Variants in LCORL observed in about 807,000 individuals in gnomAD.
LCORL encodes ligand dependent nuclear receptor corepressor like.
LCORL carries 41 observed loss-of-function variants against 141.8 expected under a neutral mutation model. The observed-to-expected ratio is 0.29, with a 90% CI of 0.23 to 0.38. The LOEUF is 0.38. Ranked by LOEUF, LCORL falls within the 10% of genes least tolerant of loss-of-function variation. The pLI is 1.00. For missense variants in LCORL, 1,759 were observed against 2,035.0 expected, an observed-to-expected ratio of 0.86 and a Z score of 2.61; for synonymous variants, 618 against 694.1, an observed-to-expected ratio of 0.89 and a Z score of 1.72.
exon 8 of LCORL, chr4:17,843,123 C>T (rs907762656): frequency 9.1e-6 from 5 of 550,766 alleles, no homozygotes; most frequent in African/African-American, 3.8e-5. Context: ...ATTCACTTTG[C>T]TAGATAGCCA....
chr4:17,907,702 G>A (rs933305329), intron 5 of LCORL, among the ~76,000 whole-genome samples: 3 of 151,494 alleles, frequency 2.0e-5, no homozygotes, highest in African/African-American at 4.9e-5. Context: ...AATAACACAG[G>A]GAACCCCCCC....
In LCORL at chr4:18,021,579, C is replaced by T. The variant is rs1725593277; in HGVS notation, c.154+19G>A. The T allele has an allele frequency of 6.6e-7, 1 of 1,513,168 alleles. No homozygotes were observed. Among genetic ancestry groups the T allele is most frequent in the Non-Finnish European group, 8.8e-7 (1 of 1,131,786 alleles). 93.7% of individuals were successfully genotyped at this position (1,513,168 alleles called of 1,614,324 possible). A position where few individuals can be genotyped will look rare whatever the true frequency, so the allele number is the denominator to read the frequency against. ...GGTCGCCGCGCGGAGCCCGGGGCCC[C>T]GGCCCGCGTCTCTCTTACCTACACA... is the stretch of plus-strand genomic sequence containing the variant. On this transcript the variant is annotated intron_variant, in intron 1 of 7. Transcript: ENST00000635767. The surrounding 1 kb of genome is among the most constrained non-coding windows in gnomAD (Gnocchi z 5.5).
At position 17,843,291 on chromosome 4, in the gene LCORL, C is replaced by A. The variant is rs760712257; in HGVS notation, c.*2597G>T. ...TGTATCTAAATTCGTGTATTTTCAACATCTATTTAGTGATCATGAAGTTCC... is the reference window on the plus strand; with the variant it reads ...TGTATCTAAATTCGTGTATTTTCAAAATCTATTTAGTGATCATGAAGTTCC... On this transcript the variant is annotated 3_prime_UTR_variant, in exon 8 of 8. Transcript: ENST00000635767. 4.4e-6 allele frequency: 7 copies of A among 1,603,156 alleles called. No individual in the cohort carries two copies. In the Admixed American group the frequency reaches 1.0e-4, roughly 24 times the overall value.
chr4:17,849,081 C>T (rs1160599866), intron 7 of LCORL, among the ~76,000 whole-genome samples: 2 of 152,254 alleles, frequency 1.3e-5, no homozygotes, highest in Admixed American at 1.3e-4. Context: ...CCTGCCTCTG[C>T]AGGCTCCACC....
chr4:17,970,097 C>T (rs1715649136), intron 2 of LCORL, among the ~76,000 whole-genome samples: 1 of 152,020 alleles, frequency 6.6e-6, no homozygotes, highest in Admixed American at 6.6e-5. Flanking sequence ...TGTATTTATA[C>T]AAAAGAGAGA....
At chr4:17,918,003 C>T (rs1299422821) in intron 4 of LCORL, among the ~76,000 whole-genome samples, 1 of 151,772 alleles carries the variant, frequency 6.6e-6, no homozygotes, top group Non-Finnish European at 1.5e-5. Context: ...TTGCACTATT[C>T]TCAGCCTTCC....
chr4:18,016,222 T>A (rs1724608160), intron 1 of LCORL, among the ~76,000 whole-genome samples: 1 of 152,124 alleles, frequency 6.6e-6, no homozygotes, highest in African/African-American at 2.4e-5. Flanking sequence ...GAAAGACACA[T>A]ATCAACATAT....
intron 6 of LCORL, chr4:17,882,067 T>C (rs1046508761): frequency 5.7e-5 from 56 of 984,046 alleles, no homozygotes; most frequent in Non-Finnish European, 6.6e-5. Context: ...AGAGACCAAA[T>C]AACTGCTTGG....
chr4:17,986,729 ATC>A (rs1719041885), intron 1 of LCORL, among the ~76,000 whole-genome samples: 2 of 150,704 alleles, frequency 1.3e-5, no homozygotes, highest in South Asian at 4.2e-4. Flanking sequence ...AATCTCAATG[ATC>A]TTTTTTTTTT....
chr4:17,881,744 T>C (rs1319383499), intron 6 of LCORL: 6 of 955,804 alleles, frequency 6.3e-6, no homozygotes, highest in Non-Finnish European at 7.5e-6. Context: ...ATATAAATAT[T>C]ATGTAATGCA....
At chr4:17,998,997 TATATATACACAC>T (rs1280520699) in intron 1 of LCORL, among the ~76,000 whole-genome samples, 120 of 64,802 alleles carry the variant, frequency 1.9e-3, no homozygotes, top group African/African-American at 4.6e-3. Context: ...TATATATATA[TATATATACACAC>T]ATATATATAT....
intron 1 of LCORL, among the ~76,000 whole-genome samples, chr4:17,978,423 C>T (rs1359791384): frequency 1.3e-5 from 2 of 151,834 alleles, no homozygotes. Flanking sequence ...AAAGCAAGAC[C>T]CCTTCTCTAC....
intron 1 of LCORL, among the ~76,000 whole-genome samples, chr4:18,009,000 CA>C (rs1723240358): frequency 6.6e-6 from 1 of 152,050 alleles, no homozygotes; most frequent in African/African-American, 2.4e-5. Context: ...AATTCTCTCA[CA>C]AAAACAACCA....
At chr4:17,842,307 A>C in exon 8 of LCORL, 1 of 1,611,396 alleles carries the variant, frequency 6.2e-7, no homozygotes, top group Non-Finnish European at 8.5e-7. Flanking sequence ...TACTATCTTC[A>C]AGGACAGAGA....
chr4:18,001,783 C>T (rs551431700), intron 1 of LCORL, among the ~76,000 whole-genome samples: 1 of 152,274 alleles, frequency 6.6e-6, no homozygotes, highest in South Asian at 2.1e-4. Flanking sequence ...TACAAAATCA[C>T]AATGAAATAC....
chr4:18,004,602 G>A (rs1269676204), intron 1 of LCORL, among the ~76,000 whole-genome samples: 1 of 152,094 alleles, frequency 6.6e-6, no homozygotes, highest in African/African-American at 2.4e-5. Flanking sequence ...ATGAGATTTG[G>A]GTGGGGAAAC....
chr4:17,855,604 C>T (rs1325048028), intron 7 of LCORL, among the ~76,000 whole-genome samples: 4 of 152,150 alleles, frequency 2.6e-5, no homozygotes, highest in African/African-American at 7.2e-5. Flanking sequence ...CCCATTCTGC[C>T]TTACCCACGT....
chr4:18,010,375 T>C (rs1189037287), intron 1 of LCORL, among the ~76,000 whole-genome samples: 6 of 149,696 alleles, frequency 4.0e-5, no homozygotes, highest in Non-Finnish European at 2.9e-5. Context: ...TGTGTATGGG[T>C]ACATATATAT....
At chr4:17,874,337 G>A in exon 7 of LCORL, 3 of 1,233,908 alleles carry the variant, frequency 2.4e-6, no homozygotes. Flanking sequence ...GCTTTCTGAA[G>A]GGGCTGGCAT....
Sources: gnomAD v4.1 joint callset for allele counts (sites outside exome capture counted in the v4.1 genomes callset) on GRCh38, gnomAD v4.1.1 for gene constraint, Gnocchi (gnomAD v3.1) non-coding constraint, MANE v1.5 for transcripts, NCBI Gene and HGNC (gene_info 2026-07-23, HGNC 2026-07-21) for gene names.